Variants in NELL1 observed in about 807,000 individuals in gnomAD.
NELL1 encodes neural EGFL like 1, also known as protein kinase C-binding protein NELL1.
In NELL1, 76 loss-of-function variants were observed where a neutral mutation model predicts 107.4. The ratio of observed to expected loss-of-function variants is 0.71; its 90% confidence interval spans 0.59 to 0.86. NELL1 has a LOEUF of 0.86. Among genes scored for constraint, NELL1 ranks in the 40% least tolerant of loss-of-function variants. NELL1 has a pLI of 0.00. For missense variants in NELL1, 1,024 were observed against 1,005.5 expected, an observed-to-expected ratio of 1.02 and a Z score of -0.25; for synonymous variants, 353 against 341.2, an observed-to-expected ratio of 1.03 and a Z score of -0.38.
intron 13 of NELL1, among the ~76,000 whole-genome samples, chr11:21,203,934 G>A (rs186640187): frequency 9.2e-5 from 14 of 152,232 alleles, no homozygotes; most frequent in African/African-American, 3.4e-4. Context: ...GTTGAATATT[G>A]GCCCCCACTC....
intron 15 of NELL1, among the ~76,000 whole-genome samples, chr11:21,429,857 G>T (rs1852923657): frequency 6.6e-6 from 1 of 152,112 alleles, no homozygotes; most frequent in African/African-American, 2.4e-5. Flanking sequence ...ACCTCAGAGG[G>T]ACATCAGCTC....
chr11:21,200,045 T>C (rs1316461723), intron 13 of NELL1, among the ~76,000 whole-genome samples: 2 of 152,210 alleles, frequency 1.3e-5, no homozygotes, highest in Non-Finnish European at 2.9e-5. Flanking sequence ...CAGTCTATCA[T>C]TGATGGGCAT....
chr11:21,001,034 A>G (rs1450477732), intron 12 of NELL1: 1 of 152,196 alleles, frequency 6.6e-6, no homozygotes, highest in Admixed American at 6.5e-5. Flanking sequence ...CTCTTTTCTT[A>G]AACTAAAGTG....
chr11:20,915,699 T>TTATATATATATATATATATATATATATA (rs1242467428), intron 5 of NELL1, among the ~76,000 whole-genome samples: 13 of 20,386 alleles, frequency 6.4e-4, no homozygotes, highest in African/African-American at 1.2e-3. Context: ...TCCTCATAGA[T>TTATATATATATATATATATATATATATA]GATATATATA....
intron 15 of NELL1, among the ~76,000 whole-genome samples, chr11:21,413,248 T>TGCG (rs1352950265): frequency 6.6e-6 from 1 of 151,870 alleles, no homozygotes; most frequent in Admixed American, 6.6e-5. Context: ...AGATGCGAGA[T>TGCG]AAACCATAAC....
chr11:20,884,918 T>C (rs1228366257), intron 4 of NELL1, among the ~76,000 whole-genome samples: 1 of 152,176 alleles, frequency 6.6e-6, no homozygotes, highest in East Asian at 1.9e-4. Flanking sequence ...AAAAACATGA[T>C]CATCTAGGCA....
At chr11:21,503,080 C>A (rs188590488) in intron 15 of NELL1, among the ~76,000 whole-genome samples, 5 of 152,182 alleles carry the variant, frequency 3.3e-5, no homozygotes, top group Non-Finnish European at 5.9e-5. Flanking sequence ...GGGGTTTCTC[C>A]ATGTTGGTCA....
chr11:21,108,348 TGAA>T (rs2133719123), intron 12 of NELL1, among the ~76,000 whole-genome samples: 1 of 152,248 alleles, frequency 6.6e-6, no homozygotes, highest in African/African-American at 2.4e-5. Context: ...TGGTGATACA[TGAA>T]GAATCATTAT....
intron 2 of NELL1, among the ~76,000 whole-genome samples, chr11:20,710,082 C>A (rs1001108596): frequency 6.6e-6 from 1 of 152,156 alleles, no homozygotes. Flanking sequence ...ACTTCCAGTA[C>A]TATGTTGCAT....
intron 12 of NELL1, among the ~76,000 whole-genome samples, chr11:20,971,661 G>C (rs1851503932): frequency 6.6e-6 from 1 of 152,164 alleles, no homozygotes; most frequent in Non-Finnish European, 1.5e-5. Flanking sequence ...TTTAGATTTA[G>C]ATTTGGGGTA....
At chr11:20,936,997 G>A (rs1475086332) in intron 9 of NELL1, among the ~76,000 whole-genome samples, 2 of 150,656 alleles carry the variant, frequency 1.3e-5, no homozygotes, top group African/African-American at 4.8e-5. Context: ...GGAGTGACCA[G>A]ATACTTGCTT....
intron 5 of NELL1, among the ~76,000 whole-genome samples, chr11:20,904,288 G>C (rs906019828): frequency 1.3e-5 from 2 of 151,724 alleles, no homozygotes; most frequent in Non-Finnish European, 2.9e-5. Context: ...AGAAGATTTG[G>C]AATGTTCCCA....
intron 12 of NELL1, among the ~76,000 whole-genome samples, chr11:21,039,693 G>A (rs1329756364): frequency 1.3e-5 from 2 of 152,096 alleles, no homozygotes; most frequent in Non-Finnish European, 2.9e-5. Context: ...AAACAAAAAG[G>A]TGCAATAATA....
At chr11:21,145,637 G>C (rs985352609) in intron 13 of NELL1, among the ~76,000 whole-genome samples, 1 of 152,164 alleles carries the variant, frequency 6.6e-6, no homozygotes, top group Admixed American at 6.5e-5. Flanking sequence ...AAATAAGCTT[G>C]ATCTCTTCCA....
rs187608921 is a variant in NELL1 at position 21,092,421 on chromosome 11, A to T, written c.1301-21168A>T. 1.1e-3 allele frequency among the ~76,000 whole-genome samples: 170 copies of T among 152,336 alleles called. 1 individual carries two copies. The highest frequency in any genetic ancestry group is 1.8e-3 in the Non-Finnish European group (124 of 68,030). On this transcript the variant is annotated intron_variant, in intron 12 of 19. Transcript: ENST00000357134. Reference sequence around the variant, plus strand: ...CATCTGTAAAATGGAATGAATAAAGATACTATTACATGAGGTTCTAGTGAG... The same window carrying T: ...CATCTGTAAAATGGAATGAATAAAGTTACTATTACATGAGGTTCTAGTGAG...
chr11:20,786,881 G>A (rs1028435686), intron 3 of NELL1, among the ~76,000 whole-genome samples: 6 of 151,706 alleles, frequency 4.0e-5, no homozygotes, highest in Admixed American at 2.6e-4. Flanking sequence ...GGTGGCGGGC[G>A]CCTGTAGTCC....
In NELL1 at chr11:21,575,238, G is replaced by A. The variant is rs571328622; in HGVS notation, c.*216G>A. 2.5e-5 allele frequency: 13 copies of A among 509,878 alleles called. No individual in the cohort carries two copies. The highest frequency in any genetic ancestry group is 9.1e-5 in the East Asian group (3 of 32,882). The allele number at this position is 509,878 out of a possible 1,614,324, so 31.6% of individuals were successfully genotyped here. On this transcript the variant is annotated 3_prime_UTR_variant, in exon 20 of 20. Transcript: ENST00000357134. ...CCTAGTCTAGGTGACCTACAGTGCC[G>A]TGCATTTAAGTCAATGGTTGTTAAA...
chr11:20,711,232 A>G (rs1265722707), intron 2 of NELL1, among the ~76,000 whole-genome samples: 1 of 152,034 alleles, frequency 6.6e-6, no homozygotes, highest in Non-Finnish European at 1.5e-5. Flanking sequence ...TGTCCCTATT[A>G]TGAGCTTTTT....
At chr11:21,512,814 A>G (rs141548792) in intron 15 of NELL1, among the ~76,000 whole-genome samples, 5 of 152,300 alleles carry the variant, frequency 3.3e-5, no homozygotes, top group African/African-American at 1.2e-4. Flanking sequence ...TGACTAGAAA[A>G]AAAAAAAGAA....
Sources: gnomAD v4.1 joint callset for allele counts (sites outside exome capture counted in the v4.1 genomes callset) on GRCh38, gnomAD v4.1.1 for gene constraint, MANE v1.5 for transcripts, NCBI Gene and HGNC (gene_info 2026-07-23, HGNC 2026-07-21) for gene names.